CSMD1: variants seen among roughly 807,000 people sequenced by gnomAD.
CSMD1 encodes the protein CUB and sushi domain-containing protein 1.
CSMD1 carries 213 observed loss-of-function variants against 417.5 expected under a neutral mutation model. That is an observed-to-expected ratio of 0.51 (90% confidence interval 0.46 to 0.57). The LOEUF is 0.57. CSMD1 is among the 20% of genes least tolerant of loss of function. The pLI, the probability that CSMD1 is intolerant of heterozygous loss-of-function variation, is 0.00. For synonymous variants in CSMD1, 2,862 were observed against 1,736.8 expected (o/e 1.65, Z -16.11); for missense variants, 6,923 against 4,529.7 (o/e 1.53, Z -15.17).
chr8:4,236,055 T>TTTTTTTTTTTTTG (rs1802037935), intron 3 of CSMD1, among the ~76,000 whole-genome samples: 23 of 83,746 alleles, frequency 2.7e-4, no homozygotes, highest in South Asian at 3.5e-4. Flanking sequence ...TTTTTTTTTT[T>TTTTTTTTTTTTTG]TTTTTTTTTT....
At chr8:4,943,591 TA>T (rs1808171306) in intron 1 of CSMD1, among the ~76,000 whole-genome samples, 1 of 152,102 alleles carries the variant, frequency 6.6e-6, no homozygotes, top group Non-Finnish European at 1.5e-5. Flanking sequence ...TTTAAACAAT[TA>T]AAAAATATAT....
chr8:4,041,434 C>G (rs112266511), intron 3 of CSMD1, among the ~76,000 whole-genome samples: 1 of 152,148 alleles, frequency 6.6e-6, no homozygotes, highest in Non-Finnish European at 1.5e-5. Context: ...CAACTTCTTT[C>G]GTGCCTCAAC....
chr8:3,282,414 G>C (rs1802808963), intron 26 of CSMD1, among the ~76,000 whole-genome samples: 1 of 152,214 alleles, frequency 6.6e-6, no homozygotes. Context: ...ATACAGAATG[G>C]AAAGAAGAGG....
At chr8:3,049,148 G>C (rs749643647) in intron 50 of CSMD1, among the ~76,000 whole-genome samples, 3 of 152,090 alleles carry the variant, frequency 2.0e-5, no homozygotes, top group Admixed American at 1.3e-4. Context: ...GCAAAATCCT[G>C]CAGTCTTCTT....
At chr8:3,735,086 A>C (rs982798978) in intron 6 of CSMD1, among the ~76,000 whole-genome samples, 2 of 152,232 alleles carry the variant, frequency 1.3e-5, no homozygotes, top group Non-Finnish European at 2.9e-5. Context: ...CAGCCACCAC[A>C]ACGATGTGAA....
At chr8:4,015,742 G>A (rs1336989589) in intron 4 of CSMD1, among the ~76,000 whole-genome samples, 1 of 149,956 alleles carries the variant, frequency 6.7e-6, no homozygotes, top group Non-Finnish European at 1.5e-5. Context: ...CTGACAATGT[G>A]TTTTGACATG....
At chr8:3,821,768 T>C (rs149636738) in intron 5 of CSMD1, among the ~76,000 whole-genome samples, 238 of 151,946 alleles carry the variant, frequency 1.6e-3, no homozygotes, top group African/African-American at 5.6e-3. Context: ...GGTGACAGAG[T>C]GAGACTCTGT....
chr8:4,776,596 T>C (rs1018946906), intron 1 of CSMD1, among the ~76,000 whole-genome samples: 1 of 152,154 alleles, frequency 6.6e-6, no homozygotes, highest in Non-Finnish European at 1.5e-5. Context: ...ACGTTCGCGT[T>C]CAATGATACC....
intron 2 of CSMD1, among the ~76,000 whole-genome samples, chr8:4,591,286 C>T (rs545696271): frequency 2.6e-5 from 4 of 152,186 alleles, no homozygotes; most frequent in African/African-American, 4.8e-5. Context: ...AGTACGAAGT[C>T]GAACAAAGAC....
intron 10 of CSMD1, among the ~76,000 whole-genome samples, chr8:3,542,142 T>A (rs1798467375): frequency 6.6e-6 from 1 of 152,350 alleles, no homozygotes; most frequent in African/African-American, 2.4e-5. Flanking sequence ...TGGAAATCCC[T>A]TTAAAGTTAC....
chr8:3,284,571 A>G (rs17079750), intron 25 of CSMD1: 12,448 of 539,606 alleles, frequency 0.023, 311 homozygotes, highest in African/African-American at 0.092. Flanking sequence ...TCATGGACGC[A>G]GAGAGATAGG....
chr8:3,051,815 G>C (rs1811837496), intron 50 of CSMD1, among the ~76,000 whole-genome samples: 1 of 152,138 alleles, frequency 6.6e-6, no homozygotes, highest in South Asian at 2.1e-4. Flanking sequence ...AATTTAGTGT[G>C]TATGTGAGTG....
rs772536535 is a variant in CSMD1, at chr8:4,504,592, C to T, written c.303-84527G>A. On this transcript the variant is annotated intron_variant, in intron 2 of 69. Transcript: ENST00000635120. ...AACCCATCATCTAGGTTTTAAGCCT[C>T]GCATGCATTAGGCATTTGTCCTAAC... Among the ~76,000 whole-genome samples, 14 of 152,244 alleles carry T rather than the reference C, an allele frequency of 9.2e-5. No homozygotes were observed. The South Asian group carries it at 1.7e-3, about 18-fold the overall frequency.
At chr8:3,214,325 A>G (rs1797773839) in intron 30 of CSMD1, among the ~76,000 whole-genome samples, 172 bp downstream of exon 30, 1 of 152,180 alleles carries the variant, frequency 6.6e-6, no homozygotes, top group South Asian at 2.1e-4. Flanking sequence ...CTAACACACT[A>G]GCTGCATTAA....
rs151036001 is a variant in CSMD1, at chr8:4,785,679, A to C, written c.86-148121T>G. ...TTTAGAGAAAAATACAAACTGACAA[A>C]ATGAAGAAAGGAGAAAGGAAGGGAG... On this transcript the variant is annotated intron_variant, in intron 1 of 69. Transcript: ENST00000635120. 4.2e-4 allele frequency among the ~76,000 whole-genome samples: 64 copies of C among 152,196 alleles called. 1 individual carries two copies. Among genetic ancestry groups the C allele is most frequent in the African/African-American group, 1.2e-3 (49 of 41,522 alleles).
intron 3 of CSMD1, among the ~76,000 whole-genome samples, chr8:4,131,581 T>G (rs1016301819): frequency 6.6e-6 from 1 of 152,144 alleles, no homozygotes; most frequent in Non-Finnish European, 1.5e-5. Flanking sequence ...ATTGATAAAC[T>G]GCATAGTCCC....
chr8:4,593,298 T>C (rs1228837126), intron 2 of CSMD1, among the ~76,000 whole-genome samples: 1 of 152,226 alleles, frequency 6.6e-6, no homozygotes, highest in African/African-American at 2.4e-5. Flanking sequence ...CTCTCCTCTT[T>C]ACGCATACAT....
intron 3 of CSMD1, among the ~76,000 whole-genome samples, chr8:4,178,992 G>A (rs1291609083): frequency 6.6e-6 from 1 of 152,094 alleles, no homozygotes; most frequent in African/African-American, 2.4e-5. Context: ...CGTGAAAATG[G>A]CCATACTGCC....
At chr8:4,530,158 C>T (rs1796727387) in intron 2 of CSMD1, among the ~76,000 whole-genome samples, 1 of 151,748 alleles carries the variant, frequency 6.6e-6, no homozygotes, top group South Asian at 2.1e-4. Flanking sequence ...TGTGATCTGC[C>T]CACCTCAGCC....
Sources: gnomAD v4.1 joint callset for allele counts (sites outside exome capture counted in the v4.1 genomes callset) on GRCh38, gnomAD v4.1.1 for gene constraint, MANE v1.5 for transcripts, NCBI Gene and HGNC (gene_info 2026-07-23, HGNC 2026-07-21) for gene names.